The following KIRREL1 variants were observed in gnomAD, a reference collection of about 807,000 sequenced individuals.
KIRREL1 encodes kin of IRRE-like protein 1.
In KIRREL1, 25 loss-of-function variants were observed where a neutral mutation model predicts 83.3. That is an observed-to-expected ratio of 0.30 (90% CI 0.22 to 0.42). The LOEUF is 0.42. Ranked by LOEUF, KIRREL1 falls within the 10% of genes least tolerant of loss-of-function variation. The pLI, the probability that KIRREL1 is intolerant of heterozygous loss-of-function variation, is 1.00. For missense variants in KIRREL1, 812 were observed against 1,032.3 expected (o/e 0.79, Z 2.92); for synonymous variants, 388 against 410.4 (o/e 0.95, Z 0.66).
intron 1 of KIRREL1, among the ~76,000 whole-genome samples, chr1:158,049,673 AGGAAGTTATTGCAGTAGTCCAG>A (rs1191513193): frequency 6.6e-6 from 1 of 151,962 alleles, no homozygotes; most frequent in East Asian, 1.9e-4. Flanking sequence ...GGAAGCAATT[AGGAAGTTATTGCAGTAGTCCAG>A]GGGAGTGAGG....
intron 1 of KIRREL1, among the ~76,000 whole-genome samples, chr1:158,036,540 A>G (rs1046064036): frequency 6.6e-6 from 1 of 152,180 alleles, no homozygotes; most frequent in Non-Finnish European, 1.5e-5. Context: ...AGACCTTTCC[A>G]GGTTTTGGCA....
At chr1:158,045,995 A>AAAAGC (rs1198403905) in intron 1 of KIRREL1, among the ~76,000 whole-genome samples, 1 of 152,240 alleles carries the variant, frequency 6.6e-6, no homozygotes, top group Non-Finnish European at 1.5e-5. Context: ...TTAGGCTTTT[A>AAAAGC]CTTTGAATGA....
chr1:158,027,189 C>G (rs2093981), intron 1 of KIRREL1, among the ~76,000 whole-genome samples: 5,715 of 152,266 alleles, frequency 0.038, 364 homozygotes, highest in Admixed American at 0.16. Flanking sequence ...TTCCTTTTCT[C>G]TAGTGGCTCA....
intron 1 of KIRREL1, among the ~76,000 whole-genome samples, chr1:158,059,325 C>G (rs1017798151): frequency 2.6e-5 from 4 of 152,154 alleles, no homozygotes; most frequent in Admixed American, 2.0e-4. Context: ...CTCAAACCCA[C>G]GTTCAGCCCC....
At chr1:158,024,877 TGGA>T (rs1660123785) in intron 1 of KIRREL1, among the ~76,000 whole-genome samples, 1 of 151,970 alleles carries the variant, frequency 6.6e-6, no homozygotes, top group Non-Finnish European at 1.5e-5. Flanking sequence ...AGTAACTCCT[TGGA>T]GGTGGGCACT....
intron 1 of KIRREL1, among the ~76,000 whole-genome samples, chr1:158,066,937 C>T (rs1570970973): frequency 2.0e-5 from 3 of 152,200 alleles, no homozygotes; most frequent in African/African-American, 7.2e-5. Context: ...CTACCACCCC[C>T]TTTCTGCTCC....
rs1376361821 is a variant in KIRREL1 at position 158,097,345 on chromosome 1, G to A, written c.*2225G>A. The A allele has an allele frequency of 3.3e-6, 1 of 299,754 alleles. No homozygotes were observed. The highest frequency in any genetic ancestry group is 6.4e-6 in the Non-Finnish European group (1 of 155,632). The allele number at this position is 299,754 out of a possible 1,614,324, so 18.6% of individuals were successfully genotyped here. A position where few individuals can be genotyped will look rare whatever the true frequency, so the allele number is the denominator to read the frequency against. The stretch of plus-strand genomic sequence containing the variant: ...CATATTCCAAAAAGAATTCATTTTT[G>A]TTTTGGGTTTGGCTAGATTCTCTTA... On this transcript the variant is annotated 3_prime_UTR_variant, in exon 15 of 15. Transcript: ENST00000359209.
intron 1 of KIRREL1, among the ~76,000 whole-genome samples, chr1:158,034,736 T>C (rs1660429052): frequency 6.6e-6 from 1 of 152,202 alleles, no homozygotes. Context: ...AATTCCATCT[T>C]AGCGCAGTTA....
At chr1:158,022,781 C>G (rs756582285) in intron 1 of KIRREL1, among the ~76,000 whole-genome samples, 16 of 152,190 alleles carry the variant, frequency 1.1e-4, no homozygotes, top group Non-Finnish European at 1.9e-4. Flanking sequence ...TACCACTCTG[C>G]CAGCTCCTCT....
At chr1:158,044,332 G>C (rs1200355188) in intron 1 of KIRREL1, among the ~76,000 whole-genome samples, 1 of 152,134 alleles carries the variant, frequency 6.6e-6, no homozygotes, top group Non-Finnish European at 1.5e-5. Flanking sequence ...CTGACTGGGA[G>C]GTCCATGCCC....
chr1:158,050,729 C>A (rs1196090674), intron 1 of KIRREL1, among the ~76,000 whole-genome samples: 4 of 152,078 alleles, frequency 2.6e-5, no homozygotes, highest in Non-Finnish European at 5.9e-5. Context: ...TCTGGCTTTA[C>A]TACTGACCAG....
rs552701394 is a variant in KIRREL1, at chr1:158,094,035, C to T, written c.1719+273C>T. On this transcript the variant is annotated intron_variant, in intron 13 of 14. Coordinates refer to ENST00000359209, the MANE Select transcript of KIRREL1 (RefSeq NM_018240.7). This position sits in a 1 kb window ranked among gnomAD's most constrained non-coding sequence, Gnocchi z 4.6. ...AGCCCCCAGAGGCTTTCTGGTCCAT[C>T]TGCCTCATTGCTGAGATGAGGAAAC... 3.3e-5 allele frequency among the ~76,000 whole-genome samples: 5 copies of T among 152,378 alleles called. No individual in the cohort carries two copies. In the South Asian group the frequency reaches 1.0e-3, roughly 32 times the overall value.
chr1:158,058,924 A>T (rs1558006410), intron 1 of KIRREL1, among the ~76,000 whole-genome samples: 1 of 152,142 alleles, frequency 6.6e-6, no homozygotes, highest in East Asian at 1.9e-4. Flanking sequence ...GCCGCAGCCG[A>T]CATGTCCTGA....
chr1:158,005,876 C>T (rs1659505343), intron 1 of KIRREL1, among the ~76,000 whole-genome samples: 1 of 151,874 alleles, frequency 6.6e-6, no homozygotes, highest in Non-Finnish European at 1.5e-5. Context: ...GAGGGAGATC[C>T]ACAGGCCAGA....
chr1:158,010,712 C>T (rs566214670), intron 1 of KIRREL1, among the ~76,000 whole-genome samples: 2 of 152,262 alleles, frequency 1.3e-5, no homozygotes, highest in East Asian at 3.9e-4. Flanking sequence ...AAGGGCCCTC[C>T]ACCCTTCCCT....
At chr1:158,081,913 G>A (rs1166196451) in intron 3 of KIRREL1, among the ~76,000 whole-genome samples, 1 of 152,202 alleles carries the variant, frequency 6.6e-6, no homozygotes, top group African/African-American at 2.4e-5. Flanking sequence ...ACACACCTGG[G>A]CATGTTGTCT....
At chr1:158,039,836 G>A (rs1352805918) in intron 1 of KIRREL1, among the ~76,000 whole-genome samples, 1 of 152,186 alleles carries the variant, frequency 6.6e-6, no homozygotes, top group Non-Finnish European at 1.5e-5. Flanking sequence ...GTCCCAGAAG[G>A]GAGAGAGCTT....
At chr1:158,086,450 A>ACACAC in intron 4 of KIRREL1, 146 bp from the exon 5 acceptor site, 1 of 666,750 alleles carries the variant, frequency 1.5e-6, no homozygotes, top group Non-Finnish European at 2.5e-6. Context: ...ACACACACAC[A>ACACAC]AGGGAAGAGG....
chr1:158,039,546 C>T (rs1660570002), intron 1 of KIRREL1, among the ~76,000 whole-genome samples: 1 of 152,136 alleles, frequency 6.6e-6, no homozygotes, highest in Admixed American at 6.5e-5. Context: ...CCGGGATGCG[C>T]CTGCACTCAC....
Sources: gnomAD v4.1 joint callset for allele counts (sites outside exome capture counted in the v4.1 genomes callset) on GRCh38, gnomAD v4.1.1 for gene constraint, Gnocchi (gnomAD v3.1) non-coding constraint, MANE v1.5 for transcripts, NCBI Gene and HGNC (gene_info 2026-07-23, HGNC 2026-07-21) for gene names.